CLNK: variants seen among roughly 807,000 people sequenced by gnomAD.
CLNK encodes the protein cytokine-dependent hematopoietic cell linker.
In CLNK, 74 loss-of-function variants were observed where a neutral mutation model predicts 68.6. The observed-to-expected ratio is 1.08, with a 90% CI of 0.89 to 1.31. CLNK has a LOEUF of 1.31. CLNK is among the 50% of genes most tolerant of loss of function. CLNK has a pLI of 0.00. For synonymous variants in CLNK, 198 were observed against 172.2 expected, an observed-to-expected ratio of 1.15 and a Z score of -1.17; for missense variants, 553 against 515.3, an observed-to-expected ratio of 1.07 and a Z score of -0.71.
chr4:10,584,365 C>T (rs769360911), intron 4 of CLNK, among the ~76,000 whole-genome samples: 10 of 152,190 alleles, frequency 6.6e-5, no homozygotes, highest in Non-Finnish European at 1.0e-4. Context: ...TATCTAGACA[C>T]CAGCTTTCTA....
At chr4:10,673,009 G>A (rs949319303) in intron 1 of CLNK, among the ~76,000 whole-genome samples, 1 of 152,050 alleles carries the variant, frequency 6.6e-6, no homozygotes, top group African/African-American at 2.4e-5. Flanking sequence ...ATTTTTAGCG[G>A]AATGTTTTTA....
intron 1 of CLNK, among the ~76,000 whole-genome samples, chr4:10,677,837 C>CAATAATAATAATAATAATAAT (rs68067128): frequency 0.01 from 1,516 of 149,148 alleles, 28 homozygotes; most frequent in Admixed American, 0.029. Flanking sequence ...ATAAAAATAG[C>CAATAATAATAATAATAATAAT]AATAATAATA....
At chr4:10,512,229 AT>A (rs1240217894) in intron 16 of CLNK, among the ~76,000 whole-genome samples, 1 of 151,114 alleles carries the variant, frequency 6.6e-6, no homozygotes, top group Non-Finnish European at 1.5e-5. Flanking sequence ...AAAGAAGGAT[AT>A]GCATTTTTTT....
At chr4:10,509,182 G>A (rs1471473796) in intron 16 of CLNK, among the ~76,000 whole-genome samples, 1 of 150,788 alleles carries the variant, frequency 6.6e-6, no homozygotes, top group Non-Finnish European at 1.5e-5. Context: ...TCAGGTCTTT[G>A]GTCTCTCATT....
At chr4:10,632,396 A>T (rs1386139743) in intron 2 of CLNK, among the ~76,000 whole-genome samples, 1 of 152,268 alleles carries the variant, frequency 6.6e-6, no homozygotes, top group Non-Finnish European at 1.5e-5. Flanking sequence ...ACAGGAATAC[A>T]TCAGGAGAGG....
chr4:10,699,744 C>T, the CLNK span, among the ~76,000 whole-genome samples: 1 of 151,444 alleles, frequency 6.6e-6, no homozygotes, highest in Admixed American at 6.6e-5. Context: ...GAACTCCTGA[C>T]CTCAGATGAT....
chr4:10,580,849 A>T (rs1216130308), intron 4 of CLNK, among the ~76,000 whole-genome samples: 2 of 152,138 alleles, frequency 1.3e-5, no homozygotes, highest in African/African-American at 2.4e-5. Flanking sequence ...TTGAAGAAAA[A>T]ATATAGTTTT....
intron 6 of CLNK, 116 bp downstream of exon 6, chr4:10,565,893 A>G (rs887289492): frequency 2.7e-6 from 3 of 1,105,188 alleles, no homozygotes; most frequent in Non-Finnish European, 3.8e-6. Context: ...CTAGTAAGTC[A>G]TGGGGGCAGA....
At chr4:10,604,641 CA>C (rs1408985524) in intron 2 of CLNK, among the ~76,000 whole-genome samples, 2 of 151,172 alleles carry the variant, frequency 1.3e-5, no homozygotes, top group African/African-American at 4.9e-5. Context: ...TCAAGTTCAT[CA>C]AGCCCCACCA....
chr4:10,581,360 T>C (rs1474645556), intron 4 of CLNK, among the ~76,000 whole-genome samples: 3 of 152,028 alleles, frequency 2.0e-5, no homozygotes, highest in Non-Finnish European at 2.9e-5. Flanking sequence ...CACACACACA[T>C]ATAAAGAGAG....
chr4:10,528,642 C>A (rs903757684), intron 12 of CLNK, among the ~76,000 whole-genome samples: 4 of 152,072 alleles, frequency 2.6e-5, no homozygotes, highest in African/African-American at 9.7e-5. Flanking sequence ...AAGTAGGCAC[C>A]CATGTTACAT....
intron 6 of CLNK, 129 bp downstream of exon 6, chr4:10,565,880 C>G: frequency 1.1e-6 from 1 of 936,812 alleles, no homozygotes; most frequent in Non-Finnish European, 1.6e-6. Context: ...CAAGGTCACA[C>G]AGCTAGTAAG....
the CLNK span, among the ~76,000 whole-genome samples, chr4:10,719,137 TGAAAACAGAAAGAATAAACA>T: frequency 6.6e-6 from 1 of 151,862 alleles, no homozygotes; most frequent in Admixed American, 6.5e-5. Context: ...AAAACAGAAA[TGAAAACAGAAAGAATAAACA>T]GAAAACAGAA....
At chr4:10,651,905 CAT>C (rs1473913733) in intron 2 of CLNK, among the ~76,000 whole-genome samples, 1 of 149,942 alleles carries the variant, frequency 6.7e-6, no homozygotes, top group Non-Finnish European at 1.5e-5. Flanking sequence ...ATATAATAAA[CAT>C]AAGATAAACT....
At chr4:10,604,582 C>G (rs78851767) in intron 2 of CLNK, among the ~76,000 whole-genome samples, 1 of 141,406 alleles carries the variant, frequency 7.1e-6, no homozygotes, top group East Asian at 2.0e-4. Flanking sequence ...CTTGTCACAG[C>G]TTTTTTTTTT....
the CLNK span, among the ~76,000 whole-genome samples, chr4:10,712,993 C>T: frequency 8.5e-5 from 13 of 152,172 alleles, no homozygotes; most frequent in Non-Finnish European, 1.5e-4. Context: ...TGGCCCATTG[C>T]CCACCAAGTT....
In CLNK at chr4:10,513,577, G is replaced by A; in HGVS notation, c.793C>T (p.Pro265Ser). ...GGCTGGCATCTCTGAGGAGAACAGG[G>A]CTGCATGCCTCCTCTATGATCTGGA... Reference protein sequence around the residue: ...QNRDHRGGMQPCSPQRCQPPA... With the variant: ...QNRDHRGGMQSCSPQRCQPPA... Residue 265 changes from proline (P) to serine (S), a missense_variant, in exon 16 of 19, where the codon CCC becomes TCC. Pro to Ser is a moderately conservative substitution (Grantham distance 74). Transcript: ENST00000226951. 1.2e-6 allele frequency: 2 copies of A among 1,604,094 alleles called. No individual in the cohort carries two copies. Among genetic ancestry groups the A allele is most frequent in the Non-Finnish European group, 1.7e-6 (2 of 1,175,228 alleles).
At chr4:10,646,397 G>T (rs1400672949) in intron 2 of CLNK, among the ~76,000 whole-genome samples, 1 of 152,196 alleles carries the variant, frequency 6.6e-6, no homozygotes, top group African/African-American at 2.4e-5. Context: ...TTAAGGGTCA[G>T]TCTATGTTAC....
intron 2 of CLNK, among the ~76,000 whole-genome samples, chr4:10,666,822 C>A (rs1724415693): frequency 6.6e-6 from 1 of 152,196 alleles, no homozygotes; most frequent in Non-Finnish European, 1.5e-5. Context: ...CCTTCCCATC[C>A]CATGGGCTTG....
Sources: allele counts gnomAD v4.1 joint callset (sites outside exome capture counted in the v4.1 genomes callset), GRCh38; gene constraint gnomAD v4.1.1; transcripts MANE v1.5; gene names NCBI Gene and HGNC (gene_info 2026-07-23, HGNC 2026-07-21).